Variants in LRRC7 observed in about 807,000 individuals in gnomAD.
The protein encoded by LRRC7 is leucine-rich repeat-containing protein 7.
LRRC7 carries 23 observed loss-of-function variants against 175.7 expected under a neutral mutation model. That is an observed-to-expected ratio of 0.13 (90% CI 0.09 to 0.19). The LOEUF (loss-of-function observed/expected upper bound fraction) is 0.19. LRRC7 is among the 10% of genes least tolerant of loss of function. The pLI, the probability that LRRC7 is intolerant of heterozygous loss-of-function variation, is 1.00. For synonymous variants in LRRC7, 685 were observed against 680.9 expected (o/e 1.01, Z -0.09); for missense variants, 1,354 against 1,904.7 (o/e 0.71, Z 5.38).
At chr1:69,583,581 T>C (rs1557434207) in intron 1 of LRRC7, among the ~76,000 whole-genome samples, 1 of 152,188 alleles carries the variant, frequency 6.6e-6, no homozygotes, top group East Asian at 1.9e-4. Flanking sequence ...AAAATGACTG[T>C]GTTTTATGTT....
rs568104350 is a variant in LRRC7, at chr1:69,851,754, T to C, written c.647+13471T>C. ...GTGGTGTCCTAGAATCTTCTGGCGG[T>C]GTTGACCACCTATTTGTGATTTCAG... On this transcript the variant is annotated intron_variant, in intron 7 of 26. Transcript: ENST00000651989. Among the ~76,000 whole-genome samples, 12 of 152,258 alleles carry C rather than the reference T, an allele frequency of 7.9e-5. No individual in the cohort carries two copies. In the East Asian group the frequency reaches 2.3e-3, roughly 29 times the overall value.
chr1:69,631,765 G>T (rs913455591), intron 1 of LRRC7, among the ~76,000 whole-genome samples: 11 of 152,048 alleles, frequency 7.2e-5, no homozygotes, highest in Admixed American at 2.0e-4. Context: ...CTAAAAGCCC[G>T]ATCTCTACCT....
At position 69,717,773 on chromosome 1, in the gene LRRC7, A is replaced by G. The variant is rs1187787080; in HGVS notation, c.100+39295A>G. Reference sequence around the variant, plus strand: ...ATTGGAACATGAAAAAAAGAAAAAAAGAAAGAAAGAAAGAAAGAAAGAAAG... The same window carrying G: ...ATTGGAACATGAAAAAAAGAAAAAAGGAAAGAAAGAAAGAAAGAAAGAAAG... On this transcript the variant is annotated intron_variant, in intron 2 of 26. Transcript: ENST00000651989. Among the ~76,000 whole-genome samples the G allele has an allele frequency of 9.0e-3, 98 of 10,858 alleles. 9 individuals are homozygous for G. The highest frequency in any genetic ancestry group is 0.038 in the African/African-American group (91 of 2,426). The allele number at this position is 10,858 out of a possible 152,430, so 7.1% of individuals were successfully genotyped here. A position where few individuals can be genotyped will look rare whatever the true frequency, so the allele number is the denominator to read the frequency against.
chr1:69,738,455 T>C (rs889323056), intron 2 of LRRC7, among the ~76,000 whole-genome samples: 2 of 152,096 alleles, frequency 1.3e-5, no homozygotes, highest in African/African-American at 4.8e-5. Context: ...TTTTTACTCC[T>C]TTCCTTGTTT....
intron 1 of LRRC7, among the ~76,000 whole-genome samples, chr1:69,661,180 T>G (rs1228919018): frequency 6.6e-6 from 1 of 152,084 alleles, no homozygotes; most frequent in Admixed American, 6.5e-5. Flanking sequence ...CAAAGATTTT[T>G]TAATGCTCGT....
intron 7 of LRRC7, among the ~76,000 whole-genome samples, chr1:69,915,660 G>A (rs12742811): frequency 0.36 from 54,800 of 151,750 alleles, 12,124 homozygotes; most frequent in East Asian, 0.55. Context: ...AAATGTACTG[G>A]CCATCTGAAA....
chr1:69,850,873 G>A (rs1257782381), intron 7 of LRRC7, among the ~76,000 whole-genome samples: 1 of 152,050 alleles, frequency 6.6e-6, no homozygotes, highest in African/African-American at 2.4e-5. Context: ...AAATTTAAGA[G>A]TCATCAGTGT....
chr1:69,799,360 G>A (rs1449690758), intron 4 of LRRC7, among the ~76,000 whole-genome samples: 2 of 151,806 alleles, frequency 1.3e-5, no homozygotes, highest in East Asian at 3.9e-4. Flanking sequence ...CCCCACAACC[G>A]ACCTTACCAC....
intron 2 of LRRC7, among the ~76,000 whole-genome samples, chr1:69,696,173 G>A (rs1021875206): frequency 2.0e-5 from 3 of 152,218 alleles, no homozygotes; most frequent in Non-Finnish European, 2.9e-5. Flanking sequence ...CACAGAGGTA[G>A]AGTTGCCCAA....
At chr1:69,890,353 T>C (rs980039573) in intron 7 of LRRC7, among the ~76,000 whole-genome samples, 1 of 152,222 alleles carries the variant, frequency 6.6e-6, no homozygotes, top group African/African-American at 2.4e-5. Flanking sequence ...GCATTGTCAA[T>C]GAACAGTATA....
intron 7 of LRRC7, among the ~76,000 whole-genome samples, chr1:69,865,493 T>TTTTTTTTTTTTTTTTTTTTTTTTTTTC (rs1684839406): frequency 7.7e-6 from 1 of 129,074 alleles, no homozygotes; most frequent in African/African-American, 2.9e-5. Context: ...TTTTTTTTTT[T>TTTTTTTTTTTTTTTTTTTTTTTTTTTC]TGAAACGGAG....
intron 4 of LRRC7, among the ~76,000 whole-genome samples, chr1:69,814,102 G>A (rs1678295664): frequency 6.6e-6 from 1 of 151,946 alleles, no homozygotes; most frequent in Non-Finnish European, 1.5e-5. Context: ...AGATTACAAA[G>A]GTTGATTAAT....
At chr1:69,594,462 C>G (rs1646760737) in intron 1 of LRRC7, among the ~76,000 whole-genome samples, 1 of 152,138 alleles carries the variant, frequency 6.6e-6, no homozygotes, top group African/African-American at 2.4e-5. Flanking sequence ...TTCAAAGTAG[C>G]CCCTAGGACG....
chr1:69,582,717 T>C, intron 1 of LRRC7, among the ~76,000 whole-genome samples: 1 of 152,190 alleles, frequency 6.6e-6, no homozygotes, highest in East Asian at 1.9e-4. Flanking sequence ...TTTTCCTTCC[T>C]AACATAACTG....
intron 9 of LRRC7, among the ~76,000 whole-genome samples, chr1:69,984,375 A>G (rs1400320051): frequency 6.6e-6 from 1 of 152,194 alleles, no homozygotes; most frequent in African/African-American, 2.4e-5. Flanking sequence ...TGTATGTAAT[A>G]AATTTATGTA....
At chr1:69,852,617 A>G (rs1683112068) in intron 7 of LRRC7, among the ~76,000 whole-genome samples, 1 of 152,170 alleles carries the variant, frequency 6.6e-6, no homozygotes, top group South Asian at 2.1e-4. Context: ...TTTTTTAAAA[A>G]TGTTGGCAAT....
chr1:69,741,166 T>G (rs1415120610), intron 2 of LRRC7, among the ~76,000 whole-genome samples: 3 of 151,980 alleles, frequency 2.0e-5, no homozygotes, highest in African/African-American at 7.2e-5. Context: ...CAGGAGCATT[T>G]AGCAGGGGCT....
intron 8 of LRRC7, among the ~76,000 whole-genome samples, chr1:69,969,039 C>A (rs12023463): frequency 1.3e-5 from 2 of 151,776 alleles, no homozygotes; most frequent in African/African-American, 4.8e-5. Flanking sequence ...AGGATGGTCT[C>A]GATCTCCTGA....
chr1:69,572,334 T>C (rs1213024738), intron 1 of LRRC7, among the ~76,000 whole-genome samples: 3 of 152,120 alleles, frequency 2.0e-5, no homozygotes, highest in Non-Finnish European at 4.4e-5. Context: ...AATTATATTA[T>C]ATTCTGATGG....
Sources: allele counts gnomAD v4.1 joint callset (sites outside exome capture counted in the v4.1 genomes callset), GRCh38; gene constraint gnomAD v4.1.1; transcripts MANE v1.5; gene names NCBI Gene and HGNC (gene_info 2026-07-23, HGNC 2026-07-21).